Variants in C6orf132 observed in about 807,000 individuals in gnomAD.
The protein encoded by C6orf132 is chromosome 6 open reading frame 132, also known as uncharacterized protein C6orf132.
A neutral mutation model predicts 65.3 loss-of-function variants in C6orf132; 43 were observed. That is an observed-to-expected ratio of 0.66 (90% CI 0.52 to 0.85). C6orf132 has a LOEUF of 0.85. C6orf132 is among the 40% of genes least tolerant of loss of function. The pLI is 0.00. For synonymous variants in C6orf132, 631 were observed against 654.1 expected (o/e 0.96, Z 0.54); for missense variants, 1,488 against 1,548.8 (o/e 0.96, Z 0.66).
chr6:42,110,120 T>A, intron 3 of C6orf132, 96 bp downstream of exon 3: 1 of 1,011,918 alleles, frequency 9.9e-7, no homozygotes, highest in East Asian at 2.8e-5. Flanking sequence ...TCTGGCTTTG[T>A]CACCAGCTGT....
rs1352544072 is a variant in C6orf132, at chr6:42,104,660, G to T, written c.3252C>A (p.Arg1084=). 6.7e-7 allele frequency: 1 copy of T among 1,494,430 alleles called. No homozygotes were observed. Among genetic ancestry groups the T allele is most frequent in the Non-Finnish European group, 8.8e-7 (1 of 1,130,726 alleles). The allele number at this position is 1,494,430 out of a possible 1,614,324, so 92.6% of individuals were successfully genotyped here. A position where few individuals can be genotyped will look rare whatever the true frequency, so the allele number is the denominator to read the frequency against. Residue 1084 remains arginine, a synonymous_variant, in exon 4 of 5, where the codon CGC becomes CGA. Transcript: ENST00000341865. This position sits in a 1 kb window ranked among gnomAD's most constrained non-coding sequence, Gnocchi z 4.1. ...GPGLPHGGTG[R]SLSSPNCFGP... ...CGAAGCAGTTGGGAGAGCTCAGGCT[G>T]CGGCCGGTGCCACCGTGGGGTAGCC... is the stretch of plus-strand genomic sequence containing the variant.
chr6:42,106,690 G>A lies in C6orf132; in HGVS notation c.1222C>T (p.Pro408Ser), dbSNP rs974178878. The change falls in exon 4 of 5, where the codon CCC becomes TCC. Residue 408 changes from proline (P) to serine (S), a missense_variant. By Grantham distance (74) the Pro-to-Ser change is moderately conservative (BLOSUM62 -1). Coordinates refer to ENST00000341865, the MANE Select transcript of C6orf132 (RefSeq NM_001164446.3). ...PPAPPLPPPA[P>S]PLPPAAPPLP... ...GGAGGTGCAGCTGGGGGAAGTGGGG[G>A]TGCTGGGGGAGGGAGGGGGGGTGCA... 6.7e-7 allele frequency: 1 copy of A among 1,499,280 alleles called. No homozygotes were observed. The highest frequency in any genetic ancestry group is 8.9e-7 in the Non-Finnish European group (1 of 1,120,338). The allele number at this position is 1,499,280 out of a possible 1,614,324, so 92.9% of individuals were successfully genotyped here. A position where few individuals can be genotyped will look rare whatever the true frequency, so the allele number is the denominator to read the frequency against.
intron 2 of C6orf132, among the ~76,000 whole-genome samples, chr6:42,125,447 C>T (rs1032450200): frequency 9.9e-5 from 15 of 152,192 alleles, no homozygotes; most frequent in African/African-American, 2.7e-4. Flanking sequence ...ACGGTGGCCA[C>T]GATCACAGGC....
chr6:42,142,589 G>A lies in C6orf132; in HGVS notation c.-145C>T, dbSNP rs1767058970. ...CTCCCCGCCCGCGCACCGGGCAACA[G>A]GTGCTGCGGGCGCCGCCGCTTGCCG... On this transcript the variant is annotated 5_prime_UTR_variant, in exon 1 of 5. Transcript: ENST00000341865. The A allele has an allele frequency of 1.4e-5, 10 of 721,614 alleles. 1 individual carries two copies. The highest frequency in any genetic ancestry group is 1.8e-5 in the Non-Finnish European group (9 of 501,616). The allele number at this position is 721,614 out of a possible 1,614,324, so 44.7% of individuals were successfully genotyped here.
At chr6:42,115,917 T>TTTTTCC (rs1766560759) in intron 2 of C6orf132, among the ~76,000 whole-genome samples, 1 of 138,526 alleles carries the variant, frequency 7.2e-6, no homozygotes, top group Admixed American at 7.1e-5. Context: ...TTTTTTTTCT[T>TTTTTCC]TTTTCTTTTT....
intron 1 of C6orf132, among the ~76,000 whole-genome samples, chr6:42,137,934 T>A (rs1251909161): frequency 6.6e-6 from 1 of 152,102 alleles, no homozygotes; most frequent in African/African-American, 2.4e-5. Context: ...AATAGCCATG[T>A]GTGGTGGCGC....
chr6:42,105,522 G>A lies in C6orf132; in HGVS notation c.2390C>T (p.Pro797Leu). ...CTCCTTCACCTCCACGGGCTCCCCT[G>A]GCCCTGCAGCCCCTCCTCTGGCCAG... ...PTLARGGAAG[P>L]GEPVEVKEPP... Residue 797 changes from proline (P) to leucine (L), a missense_variant, in exon 4 of 5, where the codon CCA becomes CTA. Coordinates refer to ENST00000341865, the MANE Select transcript of C6orf132 (RefSeq NM_001164446.3). 6.5e-7 allele frequency: 1 copy of A among 1,533,770 alleles called. No homozygotes were observed. Among genetic ancestry groups the A allele is most frequent in the Non-Finnish European group, 8.7e-7 (1 of 1,144,978 alleles).
At chr6:42,110,655 T>C (rs9471767) in intron 2 of C6orf132, among the ~76,000 whole-genome samples, 13,285 of 152,298 alleles carry the variant, frequency 0.087, 814 homozygotes, top group Non-Finnish European at 0.13. Context: ...GTGTTTCTGC[T>C]TAAAGACATT....
chr6:42,118,620 G>A (rs1766623360), intron 2 of C6orf132, among the ~76,000 whole-genome samples: 1 of 152,166 alleles, frequency 6.6e-6, no homozygotes, highest in South Asian at 2.1e-4. Context: ...GCTCCTGGTG[G>A]GCCTGGCTGC....
intron 2 of C6orf132, among the ~76,000 whole-genome samples, chr6:42,115,248 C>T (rs1284792931): frequency 2.1e-5 from 3 of 146,260 alleles, no homozygotes; most frequent in African/African-American, 7.7e-5. Flanking sequence ...CAAGATCGCA[C>T]CATTGCACTC....
At chr6:42,136,654 T>C (rs1766948407) in intron 1 of C6orf132, among the ~76,000 whole-genome samples, 1 of 152,080 alleles carries the variant, frequency 6.6e-6, no homozygotes, top group Non-Finnish European at 1.5e-5. Flanking sequence ...TGAATGTAAC[T>C]CACAGATGGC....
Position 42,106,714 on chromosome 6 carries a change from C to CGGGGGGGGGGGGGGGGGGGGGG in C6orf132, c.1197_1198insCCCCCCCCCCCCCCCCCCCCCC (p.Ala400ProfsTer43). 1 of 996,976 alleles carries CGGGGGGGGGGGGGGGGGGGGGG rather than the reference C, an allele frequency of 1.0e-6. No homozygotes were observed. Among genetic ancestry groups the CGGGGGGGGGGGGGGGGGGGGGG allele is most frequent in the Non-Finnish European group, 1.3e-6 (1 of 787,046 alleles). 61.8% of individuals were successfully genotyped at this position (996,976 alleles called of 1,614,324 possible). ...GGTGCTGGGGGAGGGAGGGGGGGTG[C>CGGGGGGGGGGGGGGGGGGGGGG]AGGAGGGGGCAGGGGAGGGGCTGGA... On this transcript the variant is annotated frameshift_variant, in exon 4 of 5. Coordinates refer to ENST00000341865, the MANE Select transcript of C6orf132 (RefSeq NM_001164446.3). LOFTEE classifies it high-confidence loss of function.
chr6:42,128,128 G>C (rs571085911), intron 2 of C6orf132, among the ~76,000 whole-genome samples: 2 of 151,110 alleles, frequency 1.3e-5, no homozygotes, highest in African/African-American at 4.9e-5. Flanking sequence ...GGGTTTCACC[G>C]TGTTAGCCAG....
rs1766742454 is a variant in C6orf132, at chr6:42,124,965, T to G, written c.252+3707A>C. Among the ~76,000 whole-genome samples, 1 of 152,170 alleles carries G rather than the reference T, an allele frequency of 6.6e-6. No individual in the cohort carries two copies. Among genetic ancestry groups the G allele is most frequent in the Admixed American group, 6.5e-5 (1 of 15,274 alleles). On this transcript the variant is annotated intron_variant, in intron 2 of 4. Transcript: ENST00000341865. The surrounding 1 kb of genome is among the most constrained non-coding windows in gnomAD (Gnocchi z 4.0). ...GCCACTGGGCCAAGGGTTCCTAATC[T>G]AAAGGCATATCATGGGTGGGCTTCA...
At chr6:42,137,817 GGGGGCGGGGCGGGGC>G (rs879694972) in intron 1 of C6orf132, among the ~76,000 whole-genome samples, 5 of 108,744 alleles carry the variant, frequency 4.6e-5, no homozygotes, top group East Asian at 4.4e-4. Flanking sequence ...AGGCAGGGGC[GGGGGCGGGGCGGGGC>G]GGGGCGGGGC....
At chr6:42,135,428 C>T (rs1290777524) in intron 1 of C6orf132, among the ~76,000 whole-genome samples, 1 of 152,222 alleles carries the variant, frequency 6.6e-6, no homozygotes, top group South Asian at 2.1e-4. Flanking sequence ...GGTGGGCCAG[C>T]TCCGGGCGAG....
At position 42,107,253 on chromosome 6, in the gene C6orf132, G is replaced by A. The variant is rs1351307432; in HGVS notation, c.659C>T (p.Pro220Leu). The A allele has an allele frequency of 1.5e-6, 2 of 1,308,452 alleles. No homozygotes were observed. The highest frequency in any genetic ancestry group is 2.0e-6 in the Non-Finnish European group (2 of 991,104). The allele number at this position is 1,308,452 out of a possible 1,614,324, so 81.1% of individuals were successfully genotyped here. The change falls in exon 4 of 5, where the codon CCC becomes CTC. Residue 220 changes from proline to leucine, a missense_variant. Transcript: ENST00000341865. ...TPPDFIPPAP[P>L]LAFLAPPPPP... ...CGGTGGGGGGGCTAGAAAGGCCAAGGGTGGGGCAGGGGGAATGAAGTCAGG... is the reference window on the plus strand; with the variant it reads ...CGGTGGGGGGGCTAGAAAGGCCAAGAGTGGGGCAGGGGGAATGAAGTCAGG...
At chr6:42,122,425 G>C (rs1166768380) in intron 2 of C6orf132, among the ~76,000 whole-genome samples, 1 of 152,244 alleles carries the variant, frequency 6.6e-6, no homozygotes, top group Non-Finnish European at 1.5e-5. Flanking sequence ...GGGACAAAGA[G>C]GCGGCTGTTT....
chr6:42,136,608 C>T (rs1269365355), intron 1 of C6orf132, among the ~76,000 whole-genome samples: 2 of 152,176 alleles, frequency 1.3e-5, no homozygotes, highest in Non-Finnish European at 2.9e-5. Flanking sequence ...TAGGGGACCC[C>T]CTGCCTTTCA....
Sources: allele counts gnomAD v4.1 joint callset (sites outside exome capture counted in the v4.1 genomes callset), GRCh38; gene constraint gnomAD v4.1.1; non-coding constraint Gnocchi (gnomAD v3.1); transcripts MANE v1.5; gene names NCBI Gene and HGNC (gene_info 2026-07-23, HGNC 2026-07-21).